Variants in GRM5 observed in about 807,000 individuals in gnomAD.
GRM5 encodes metabotropic glutamate receptor 5.
In GRM5, 19 loss-of-function variants were observed where a neutral mutation model predicts 83.1. That is an observed-to-expected ratio of 0.23 (90% CI 0.16 to 0.34). The LOEUF is 0.34. Among genes scored for constraint, GRM5 ranks in the 10% least tolerant of loss-of-function variants. GRM5 has a pLI of 1.00. For missense variants in GRM5, 1,160 were observed against 1,588.3 expected, an observed-to-expected ratio of 0.73 and a Z score of 4.58; for synonymous variants, 675 against 633.6, an observed-to-expected ratio of 1.07 and a Z score of -0.98.
At chr11:88,853,021 T>A (rs191244950) in intron 2 of GRM5, among the ~76,000 whole-genome samples, 48 of 152,186 alleles carry the variant, frequency 3.2e-4, no homozygotes, top group African/African-American at 1.2e-3. Context: ...GGGAAACAAG[T>A]AACTGAGAAA....
intron 3 of GRM5, among the ~76,000 whole-genome samples, chr11:88,694,678 C>T (rs532235613): frequency 7.9e-5 from 12 of 152,040 alleles, no homozygotes; most frequent in African/African-American, 2.4e-4. Flanking sequence ...AATCATAAAA[C>T]TATCATGACC....
At chr11:88,964,138 A>G (rs1938872318) in intron 2 of GRM5, among the ~76,000 whole-genome samples, 1 of 152,180 alleles carries the variant, frequency 6.6e-6, no homozygotes, top group African/African-American at 2.4e-5. Flanking sequence ...TTTGTAACTT[A>G]GGTTGAAAAA....
At chr11:88,859,654 G>T (rs1231071618) in intron 2 of GRM5, among the ~76,000 whole-genome samples, 2 of 152,042 alleles carry the variant, frequency 1.3e-5, no homozygotes, top group African/African-American at 4.8e-5. Flanking sequence ...CAAAGCCCAT[G>T]CTCTTTGCCC....
At chr11:89,062,760 ACT>A (rs1942019998) in intron 1 of GRM5, among the ~76,000 whole-genome samples, 1 of 152,216 alleles carries the variant, frequency 6.6e-6, no homozygotes, top group East Asian at 1.9e-4. Flanking sequence ...TGGACCTGTC[ACT>A]TCCCTGGAGA....
chr11:88,654,430 T>C (rs1216628818), intron 3 of GRM5, among the ~76,000 whole-genome samples: 1 of 152,078 alleles, frequency 6.6e-6, no homozygotes, highest in Non-Finnish European at 1.5e-5. Flanking sequence ...TTGTGCTGTA[T>C]ATCTGCTGGA....
At chr11:88,742,147 T>C (rs1046145105) in intron 3 of GRM5, among the ~76,000 whole-genome samples, 2 of 151,988 alleles carry the variant, frequency 1.3e-5, no homozygotes, top group African/African-American at 4.8e-5. Flanking sequence ...ATAATAGGGA[T>C]TAGAGCTGCA....
At chr11:88,609,768 T>G (rs1046999682) in intron 4 of GRM5, among the ~76,000 whole-genome samples, 1 of 152,230 alleles carries the variant, frequency 6.6e-6, no homozygotes, top group African/African-American at 2.4e-5. Context: ...TTGTTTTTGT[T>G]GCAATTGCTT....
chr11:89,009,745 C>CA (rs576649973), intron 2 of GRM5, among the ~76,000 whole-genome samples: 1 of 149,478 alleles, frequency 6.7e-6, no homozygotes, highest in Non-Finnish European at 1.5e-5. Flanking sequence ...AAAAAAAATA[C>CA]AAAAAATTAG....
intron 8 of GRM5, among the ~76,000 whole-genome samples, chr11:88,563,439 C>T (rs548251893): frequency 1.4e-4 from 22 of 152,260 alleles, no homozygotes; most frequent in Non-Finnish European, 3.1e-4. Flanking sequence ...TTAGTATCCT[C>T]TTTAAGATAG....
intron 3 of GRM5, among the ~76,000 whole-genome samples, chr11:88,787,206 T>C (rs183553518): frequency 1.1e-4 from 16 of 151,264 alleles, no homozygotes; most frequent in Middle Eastern, 6.8e-3. Flanking sequence ...AAAATGCCCC[T>C]CTGAAGAGAT....
chr11:88,574,326 A>G (rs1340555189), intron 7 of GRM5, among the ~76,000 whole-genome samples: 1 of 152,160 alleles, frequency 6.6e-6, no homozygotes, highest in African/African-American at 2.4e-5. Flanking sequence ...CAAGTTACAG[A>G]ACTATTATGT....
At chr11:88,601,565 T>C (rs1937999112) in intron 5 of GRM5, among the ~76,000 whole-genome samples, 1 of 152,184 alleles carries the variant, frequency 6.6e-6, no homozygotes, top group African/African-American at 2.4e-5. Flanking sequence ...GAAATTTGGC[T>C]TTGTGCAATT....
chr11:88,556,400 G>A (rs752203644), intron 8 of GRM5, among the ~76,000 whole-genome samples: 24 of 148,816 alleles, frequency 1.6e-4, no homozygotes, highest in Admixed American at 1.4e-3. Flanking sequence ...TTGGCTCACT[G>A]CAATCTCCAC....
At chr11:88,580,522 A>G (rs181705352) in intron 7 of GRM5, among the ~76,000 whole-genome samples, 1 of 152,328 alleles carries the variant, frequency 6.6e-6, no homozygotes, top group East Asian at 1.9e-4. Context: ...TGAGGAAAAT[A>G]TCAAAAGTGT....
At chr11:88,627,411 T>G (rs1188255263) in intron 4 of GRM5, among the ~76,000 whole-genome samples, 2 of 152,176 alleles carry the variant, frequency 1.3e-5, no homozygotes, top group Non-Finnish European at 1.5e-5. Context: ...CAGCTTTTCC[T>G]GCAGTTACTA....
intron 7 of GRM5, among the ~76,000 whole-genome samples, chr11:88,574,958 G>A (rs998455211): frequency 6.6e-6 from 1 of 150,794 alleles, no homozygotes; most frequent in Non-Finnish European, 1.5e-5. Flanking sequence ...TTTTCTTAAG[G>A]AGGCTGTTAA....
At chr11:88,806,798 T>C (rs1943506507) in intron 3 of GRM5, among the ~76,000 whole-genome samples, 1 of 152,196 alleles carries the variant, frequency 6.6e-6, no homozygotes, top group South Asian at 2.1e-4. Context: ...CCCATCTTTT[T>C]ATACTTGTAT....
intron 2 of GRM5, among the ~76,000 whole-genome samples, chr11:89,035,385 C>A (rs2135131127): frequency 6.6e-6 from 1 of 151,764 alleles, no homozygotes; most frequent in East Asian, 1.9e-4. Context: ...TTTTCATTAA[C>A]AAAAATGGCA....
intron 1 of GRM5, among the ~76,000 whole-genome samples, chr11:89,048,433 G>C (rs1565351580): frequency 6.6e-6 from 1 of 152,156 alleles, no homozygotes; most frequent in Non-Finnish European, 1.5e-5. Flanking sequence ...ATGCACCCCA[G>C]AATATTAAAC....
Sources: allele counts gnomAD v4.1 joint callset (sites outside exome capture counted in the v4.1 genomes callset), GRCh38; gene constraint gnomAD v4.1.1; transcripts MANE v1.5; gene names NCBI Gene and HGNC (gene_info 2026-07-23, HGNC 2026-07-21).